The following FN1 variants were observed in gnomAD, a reference collection of about 807,000 sequenced individuals.
FN1 encodes fibronectin.
Under a neutral mutation model 297.3 loss-of-function variants are expected in FN1, and 106 were observed. The observed-to-expected ratio is 0.36, with a 90% confidence interval of 0.30 to 0.42. The LOEUF (loss-of-function observed/expected upper bound fraction) is 0.42. Among genes scored for constraint, FN1 ranks in the 10% least tolerant of loss-of-function variants. The probability of loss-of-function intolerance (pLI) is 1.00; values close to 1 mark genes in which losing one functional copy is unlikely to be tolerated. For missense variants in FN1, 2,690 were observed against 3,124.9 expected (o/e 0.86, Z 3.32); for synonymous variants, 1,149 against 1,152.6 (o/e 1.00, Z 0.06).
In FN1 at chr2:215,431,975, T is replaced by C. The variant is rs770452756; in HGVS notation, c.416-11A>G. On this transcript the variant is annotated splice_polypyrimidine_tract_variant and intron_variant, in intron 3 of 45. Coordinates refer to ENST00000354785, the MANE Select transcript of FN1 (RefSeq NM_212482.4). ...CTTCATGGCAGCGGTCTGTTGAAGA[T>C]ACAACGAAAATGTTAGGAGAGGGCA... is the stretch of plus-strand genomic sequence containing the variant. The C allele has an allele frequency of 1.2e-6, 2 of 1,614,020 alleles. No homozygotes were observed. Among genetic ancestry groups the C allele is most frequent in the Non-Finnish European group, 1.7e-6 (2 of 1,179,988 alleles).
At chr2:215,377,384 G>A (rs932902487) in intron 35 of FN1, among the ~76,000 whole-genome samples, 9 of 152,224 alleles carry the variant, frequency 5.9e-5, no homozygotes, top group Admixed American at 1.3e-4. Context: ...GATCATGGGG[G>A]CAGATCCCTT....
At chr2:215,369,574 C>T (rs1368296521) in intron 41 of FN1, among the ~76,000 whole-genome samples, 1 of 152,146 alleles carries the variant, frequency 6.6e-6, no homozygotes, top group Non-Finnish European at 1.5e-5. Context: ...TGGGGATTCA[C>T]GGTTTTGATT....
intron 22 of FN1, 32 bp downstream of exon 22, chr2:215,397,648 A>G: frequency 6.2e-7 from 1 of 1,605,076 alleles, no homozygotes. Flanking sequence ...CAGTTTTAAA[A>G]ACTAATAGAA....
At chr2:215,388,070 G>A (rs1415762410) in intron 27 of FN1, 142 bp downstream of exon 27, 11 of 704,772 alleles carry the variant, frequency 1.6e-5, no homozygotes, top group East Asian at 8.1e-5. Context: ...TGAGACCAGC[G>A]ATAAAATCAT....
chr2:215,371,330 T>A (rs899481523), intron 40 of FN1, among the ~76,000 whole-genome samples: 1 of 151,056 alleles, frequency 6.6e-6, no homozygotes, highest in Non-Finnish European at 1.5e-5. Context: ...AGAGAATCAA[T>A]CACTTATCAG....
At chr2:215,371,293 C>G (rs1301950581) in intron 40 of FN1, among the ~76,000 whole-genome samples, 1 of 151,462 alleles carries the variant, frequency 6.6e-6, no homozygotes, top group Non-Finnish European at 1.5e-5. Flanking sequence ...TGGATACTGT[C>G]AACACAAATT....
In FN1 at chr2:215,422,197, A is replaced by G. The variant is rs774500686; in HGVS notation, c.1440T>C (p.Ile480=). 2 of 1,613,992 alleles carry G rather than the reference A, an allele frequency of 1.2e-6. No homozygotes were observed. The highest frequency in any genetic ancestry group is 1.7e-6 in the Non-Finnish European group (2 of 1,179,864). ...CATGCTGCTTATCCCACTGATCTCCAATGCGGTACATGACCCCTTCATTGG... is the reference window on the plus strand; with the variant it reads ...CATGCTGCTTATCCCACTGATCTCCGATGCGGTACATGACCCCTTCATTGG... ...CTTNEGVMYR[I]GDQWDKQHDM... is the part of the protein sequence containing the mutation. Residue 480 remains isoleucine, a synonymous_variant, in exon 10 of 46, where the codon ATT becomes ATC. Coordinates refer to ENST00000354785, the MANE Select transcript of FN1 (RefSeq NM_212482.4).
chr2:215,420,074 T>A (rs1025042329), intron 11 of FN1, among the ~76,000 whole-genome samples: 1 of 152,104 alleles, frequency 6.6e-6, no homozygotes, highest in African/African-American at 2.4e-5. Context: ...ACCTAGAGTG[T>A]TTTGGTGGGT....
At position 215,409,500 on chromosome 2, in the gene FN1, C is replaced by T. The variant is rs2062262433; in HGVS notation, c.2299+63G>A. The T allele has an allele frequency of 9.8e-6, 15 of 1,524,976 alleles. No homozygotes were observed. In the South Asian group the frequency reaches 1.5e-4, roughly 15 times the overall value. The allele number at this position is 1,524,976 out of a possible 1,614,324, so 94.5% of individuals were successfully genotyped here. ...TACCACCTGCCTAGAGGCCACCCACCCCCACAAGGAGAGTTTTCCAGCAGC... is the reference window on the plus strand; with the variant it reads ...TACCACCTGCCTAGAGGCCACCCACTCCCACAAGGAGAGTTTTCCAGCAGC... On this transcript the variant is annotated intron_variant, in intron 15 of 45. Coordinates refer to ENST00000354785, the MANE Select transcript of FN1 (RefSeq NM_212482.4).
intron 35 of FN1, 144 bp from the exon 36 acceptor site, chr2:215,376,818 G>A (rs1378452553): frequency 8.6e-6 from 6 of 700,380 alleles, no homozygotes; most frequent in Middle Eastern, 3.9e-4. Context: ...ATCTCCTTTG[G>A]CATTCAGAGA....
At chr2:215,373,500 AG>A (rs2056651676) in intron 38 of FN1, 89 bp from the exon 39 acceptor site, 1 of 1,021,166 alleles carries the variant, frequency 9.8e-7, no homozygotes, top group African/African-American at 1.6e-5. Flanking sequence ...TACTGGGAGC[AG>A]GCACTTCCTC....
intron 20 of FN1, among the ~76,000 whole-genome samples, chr2:215,401,059 G>T (rs1281168062): frequency 6.9e-6 from 1 of 145,406 alleles, no homozygotes; most frequent in African/African-American, 2.6e-5. Context: ...GCCTCCCAAA[G>T]TGCTGGAATT....
At chr2:215,379,775 C>T (rs1419688090) in intron 33 of FN1, 1 of 173,938 alleles carries the variant, frequency 5.7e-6, no homozygotes, top group African/African-American at 2.4e-5. Flanking sequence ...CTCACTGCAG[C>T]CTTGAACTCG....
intron 13 of FN1, among the ~76,000 whole-genome samples, chr2:215,410,421 A>C (rs2062441225): frequency 6.6e-6 from 1 of 151,856 alleles, no homozygotes; most frequent in Admixed American, 6.6e-5. Flanking sequence ...AGGCAATGGC[A>C]TTGTTGCTCC....
rs760791753 is a variant in FN1 at position 215,367,967 on chromosome 2, T to C, written c.6914A>G (p.His2305Arg). 3 of 1,614,170 alleles carry C rather than the reference T, an allele frequency of 1.9e-6. No individual in the cohort carries two copies. The highest frequency in any genetic ancestry group is 2.5e-6 in the Non-Finnish European group (3 of 1,180,012). The change falls in exon 42 of 46, where the codon CAT becomes CGT. Residue 2305 changes from histidine (H) to arginine (R), a missense_variant. By Grantham distance (29) the His-to-Arg change is conservative. Transcript: ENST00000354785. ...DSCFDPYTVS[H>R]YAVGDEWERM... is the part of the protein sequence containing the mutation. ...TTCCCACTCATCTCCAACGGCATAA[T>C]GGGAAACTGTGTAGGGGTCAAAGCA...
At position 215,409,585 on chromosome 2, in the gene FN1, C is replaced by T. The variant is rs768489955; in HGVS notation, c.2277G>A (p.Glu759=). The T allele has an allele frequency of 1.9e-6, 3 of 1,613,764 alleles. No homozygotes were observed. Among genetic ancestry groups the T allele is most frequent in the Non-Finnish European group, 1.7e-6 (2 of 1,180,034 alleles). ...TACCCAGGTACTGTGGCTCATCTCC[C>T]TCCTCACTCAGCTCATATTCCACCC... is the stretch of plus-strand genomic sequence containing the variant. ...GFRVEYELSE[E]GDEPQYLDLP... is the part of the protein sequence containing the mutation. Residue 759 remains glutamate, a synonymous_variant, in exon 15 of 46, where the codon GAG becomes GAA. Transcript: ENST00000354785.
At chr2:215,427,725 T>G (rs540709486) in intron 6 of FN1, among the ~76,000 whole-genome samples, 2 of 152,334 alleles carry the variant, frequency 1.3e-5, no homozygotes, top group South Asian at 4.1e-4. Flanking sequence ...GAAGTATATT[T>G]CATTCAAAAA....
Position 215,367,885 on chromosome 2 carries a change from A to T in FN1, c.6996T>A (p.Gly2332=). 7 of 1,614,054 alleles carry T rather than the reference A, an allele frequency of 4.3e-6. No homozygotes were observed. The highest frequency in any genetic ancestry group is 1.1e-5 in the South Asian group (1 of 91,076). The change falls in exon 42 of 46, where the codon GGT becomes GGA. Residue 2332 remains glycine, a synonymous_variant. Transcript: ENST00000354785. ...CACTAGATGAATCACATCTGAAATG[A>T]CCACTTCCAAAGCCTAAGCACTGGC... The part of the protein sequence containing the change: ...LLCQCLGFGS[G]HFRCDSSRWC...
At position 215,379,116 on chromosome 2, in the gene FN1, C is replaced by A. The variant is rs201830085; in HGVS notation, c.5622+14G>T. 6.2e-7 allele frequency: 1 copy of A among 1,610,934 alleles called. No individual in the cohort carries two copies. The highest frequency in any genetic ancestry group is 1.1e-5 in the South Asian group (1 of 91,030). Reference sequence around the variant, plus strand: ...TCTCCATCTTTATTCCAATGAACAACGGTCATGTCTTACCATAAGTCCTGA... The same window carrying A: ...TCTCCATCTTTATTCCAATGAACAAAGGTCATGTCTTACCATAAGTCCTGA... On this transcript the variant is annotated intron_variant, in intron 34 of 45. Coordinates refer to ENST00000354785, the MANE Select transcript of FN1 (RefSeq NM_212482.4).
Sources: allele counts gnomAD v4.1 joint callset (sites outside exome capture counted in the v4.1 genomes callset), GRCh38; gene constraint gnomAD v4.1.1; transcripts MANE v1.5; gene names NCBI Gene and HGNC (gene_info 2026-07-23, HGNC 2026-07-21).